GRK5: variants seen among roughly 807,000 people sequenced by gnomAD.
GRK5 encodes the protein g protein-coupled receptor kinase GRK5.
A neutral mutation model predicts 78.4 loss-of-function variants in GRK5; 40 were observed. That is an observed-to-expected ratio of 0.51 (90% CI 0.40 to 0.66). The LOEUF is 0.66. Among genes scored for constraint, GRK5 ranks in the 30% least tolerant of loss-of-function variants. The pLI is 0.00. For missense variants in GRK5, 598 were observed against 759.9 expected (o/e 0.79, Z 2.50); for synonymous variants, 289 against 296.8 (o/e 0.97, Z 0.27).
At chr10:119,237,721 G>A (rs1848955978) in intron 1 of GRK5, among the ~76,000 whole-genome samples, 1 of 152,078 alleles carries the variant, frequency 6.6e-6, no homozygotes, top group African/African-American at 2.4e-5. Flanking sequence ...AGGTCGGGTG[G>A]GGTGGGGAAG....
At chr10:119,382,412 T>C (rs1222105400) in intron 3 of GRK5, among the ~76,000 whole-genome samples, 1 of 152,214 alleles carries the variant, frequency 6.6e-6, no homozygotes. Flanking sequence ...AGTATTTTAA[T>C]AACTTTTTAT....
At chr10:119,400,592 C>T (rs1432271843) in intron 4 of GRK5, among the ~76,000 whole-genome samples, 1 of 151,730 alleles carries the variant, frequency 6.6e-6, no homozygotes, top group African/African-American at 2.4e-5. Context: ...GGAAAGCGCA[C>T]AGGATGGGCA....
At chr10:119,418,833 A>C (rs1412548786) in intron 4 of GRK5, among the ~76,000 whole-genome samples, 1 of 152,062 alleles carries the variant, frequency 6.6e-6, no homozygotes, top group Non-Finnish European at 1.5e-5. Flanking sequence ...AATTTTACCA[A>C]CGAGCACCAC....
rs797018677 is a variant in GRK5, at chr10:119,374,495, G to A, written c.149-6320G>A. Among the ~76,000 whole-genome samples, 15 of 152,306 alleles carry A rather than the reference G, an allele frequency of 9.8e-5. 1 individual carries two copies. Among genetic ancestry groups the A allele is most frequent in the African/African-American group, 3.6e-4 (15 of 41,574 alleles). Reference sequence around the variant, plus strand: ...TGGCTTGCTGTGCCCTCTGTTGGTTGACGTACCCTCTGTTGGCTGACAACT... The same window carrying A: ...TGGCTTGCTGTGCCCTCTGTTGGTTAACGTACCCTCTGTTGGCTGACAACT... On this transcript the variant is annotated intron_variant, in intron 2 of 15. Transcript: ENST00000392870.
At position 119,217,783 on chromosome 10, in the gene GRK5, G is replaced by A. The variant is rs1191743533; in HGVS notation, c.52+9814G>A. On this transcript the variant is annotated intron_variant, in intron 1 of 15. Coordinates refer to ENST00000392870, the MANE Select transcript of GRK5 (RefSeq NM_005308.3). This position sits in a 1 kb window ranked among gnomAD's most constrained non-coding sequence, Gnocchi z 4.1. ...ATCTGCCCTGCACCCTGCTTCCCTG[G>A]CCGCTTACTGCTCCTTAGGAGGTTC... is the stretch of plus-strand genomic sequence containing the variant. Among the ~76,000 whole-genome samples the A allele has an allele frequency of 6.6e-6, 1 of 152,188 alleles. No individual in the cohort carries two copies. The highest frequency in any genetic ancestry group is 1.5e-5 in the Non-Finnish European group (1 of 68,020).
intron 3 of GRK5, among the ~76,000 whole-genome samples, chr10:119,391,821 G>A (rs114041706): frequency 1.6e-4 from 24 of 152,312 alleles, no homozygotes; most frequent in Admixed American, 5.2e-4. Context: ...CTGACCAGGC[G>A]TGTCACTTGT....
rs533530702 is a variant in GRK5, at chr10:119,443,497, A to T, written c.1058-47A>T. 60 of 1,536,804 alleles carry T rather than the reference A, an allele frequency of 3.9e-5. 2 individuals are homozygous for T. In the East Asian group the frequency reaches 1.3e-3, roughly 32 times the overall value. ...CAGGCCTTCTGTGAGCAGCGCCACC[A>T]GCTGTCTCCCTCCTCCTCACTCCTC... On this transcript the variant is annotated intron_variant, in intron 11 of 15. Transcript: ENST00000392870.
At chr10:119,292,049 TCTC>T (rs1398401550) in intron 1 of GRK5, among the ~76,000 whole-genome samples, 2 of 34,006 alleles carry the variant, frequency 5.9e-5, no homozygotes, top group Non-Finnish European at 1.2e-4. Context: ...TCTTCCTCCT[TCTC>T]CTCCTCCTCT....
Position 119,298,731 on chromosome 10 carries a change from C to T in GRK5, c.53-27785C>T, listed in dbSNP as rs929375684. 2.6e-4 allele frequency among the ~76,000 whole-genome samples: 39 copies of T among 152,204 alleles called. 1 individual carries two copies. The highest frequency in any genetic ancestry group is 7.2e-4 in the African/African-American group (30 of 41,512). On this transcript the variant is annotated intron_variant, in intron 1 of 15. Coordinates refer to ENST00000392870, the MANE Select transcript of GRK5 (RefSeq NM_005308.3). ...ACTCTTCCTGCCATGGTTCCAGCCC[C>T]GCACTTCCTGGACACCCTTCGTTCT...
intron 1 of GRK5, among the ~76,000 whole-genome samples, chr10:119,245,818 C>G (rs1470170801): frequency 1.3e-5 from 2 of 151,788 alleles, no homozygotes; most frequent in Non-Finnish European, 2.9e-5. Flanking sequence ...GAGATTGAGA[C>G]CATCCTGGCT....
At chr10:119,380,554 G>T (rs1190320834) in intron 2 of GRK5, among the ~76,000 whole-genome samples, 2 of 152,238 alleles carry the variant, frequency 1.3e-5, no homozygotes, top group Admixed American at 6.5e-5. Flanking sequence ...CCCCAGAACT[G>T]CTGGCATGTC....
chr10:119,384,978 C>T (rs911638471), intron 3 of GRK5, among the ~76,000 whole-genome samples: 1 of 152,116 alleles, frequency 6.6e-6, no homozygotes, highest in East Asian at 1.9e-4. Context: ...GCATTGGAGT[C>T]TTTGAAAAGG....
chr10:119,260,926 C>G (rs1849373434), intron 1 of GRK5, among the ~76,000 whole-genome samples: 1 of 152,122 alleles, frequency 6.6e-6, no homozygotes, highest in Non-Finnish European at 1.5e-5. Context: ...TTGGGCACAC[C>G]TCCCAGACGG....
At chr10:119,276,104 G>T (rs981653098) in intron 1 of GRK5, among the ~76,000 whole-genome samples, 1 of 152,186 alleles carries the variant, frequency 6.6e-6, no homozygotes. Flanking sequence ...AGACTCTGTT[G>T]TAAATGGTGA....
intron 2 of GRK5, among the ~76,000 whole-genome samples, chr10:119,332,484 T>C (rs940343685): frequency 2.2e-4 from 34 of 152,216 alleles, no homozygotes; most frequent in African/African-American, 8.0e-4. Context: ...GAATGGATCT[T>C]TGATTTCTGC....
At chr10:119,247,079 T>A (rs181382810) in intron 1 of GRK5, among the ~76,000 whole-genome samples, 12 of 152,280 alleles carry the variant, frequency 7.9e-5, no homozygotes, top group Admixed American at 4.6e-4. Context: ...AGGTGGTGCT[T>A]GGCAATGGCC....
intron 2 of GRK5, among the ~76,000 whole-genome samples, chr10:119,380,594 G>A (rs1361920166): frequency 6.6e-6 from 1 of 152,258 alleles, no homozygotes; most frequent in Non-Finnish European, 1.5e-5. Flanking sequence ...TGGACTGGGG[G>A]TGTGGGGTGG....
intron 1 of GRK5, among the ~76,000 whole-genome samples, chr10:119,244,877 A>G (rs1280064809): frequency 3.9e-5 from 6 of 152,236 alleles, no homozygotes; most frequent in African/African-American, 1.4e-4. Context: ...TGGTGGGGAT[A>G]TAAAATAGCA....
chr10:119,350,716 G>A (rs1367417385), intron 2 of GRK5, among the ~76,000 whole-genome samples: 1 of 152,210 alleles, frequency 6.6e-6, no homozygotes, highest in African/African-American at 2.4e-5. Flanking sequence ...CCATGGAGTG[G>A]ATCAAATCCC....
Sources: allele counts gnomAD v4.1 joint callset (sites outside exome capture counted in the v4.1 genomes callset), GRCh38; gene constraint gnomAD v4.1.1; non-coding constraint Gnocchi (gnomAD v3.1); transcripts MANE v1.5; gene names NCBI Gene and HGNC (gene_info 2026-07-23, HGNC 2026-07-21).